SLAMF9: variants seen among roughly 807,000 people sequenced by gnomAD.
The protein encoded by SLAMF9 is CD2 family member 10.
In SLAMF9, 25 loss-of-function variants were observed where a neutral mutation model predicts 30.4. That is an observed-to-expected ratio of 0.82 (90% confidence interval 0.60 to 1.15). The LOEUF (loss-of-function observed/expected upper bound fraction) is 1.15. Ranked by LOEUF, SLAMF9 falls within the 50% of genes most tolerant of loss-of-function variation. The pLI is 0.00. For synonymous variants in SLAMF9, 129 were observed against 127.2 expected (o/e 1.01, Z -0.09); for missense variants, 344 against 346.1 (o/e 0.99, Z 0.05).
At chr1:159,975,471 G>A in the SLAMF9 span, among the ~76,000 whole-genome samples, 2 of 152,146 alleles carry the variant, frequency 1.3e-5, no homozygotes, top group Non-Finnish European at 2.9e-5. Flanking sequence ...GTGTGGCATG[G>A]CTGGAGAGGC....
chr1:159,967,320 A>T, the SLAMF9 span, among the ~76,000 whole-genome samples: 4 of 152,156 alleles, frequency 2.6e-5, no homozygotes, highest in African/African-American at 9.7e-5. Flanking sequence ...TAAGATAAAG[A>T]TCTAATTTCA....
chr1:159,983,292 G>C, the SLAMF9 span: 2 of 152,154 alleles, frequency 1.3e-5, no homozygotes, highest in Non-Finnish European at 2.9e-5. Context: ...ATCCATCTGT[G>C]CCTCTTCATC....
At chr1:159,975,283 G>A in the SLAMF9 span, among the ~76,000 whole-genome samples, 1 of 152,214 alleles carries the variant, frequency 6.6e-6, no homozygotes, top group African/African-American at 2.4e-5. Context: ...GTGTGACAGA[G>A]GGGGCACAGA....
Position 159,954,169 on chromosome 1 carries a change from C to T in SLAMF9, c.-32G>A. 1 of 1,613,338 alleles carries T rather than the reference C, an allele frequency of 6.2e-7. No individual in the cohort carries two copies. The highest frequency in any genetic ancestry group is 2.2e-5 in the East Asian group (1 of 44,844). On this transcript the variant is annotated 5_prime_UTR_variant, in exon 1 of 4. It removes the in-frame stop codon of an upstream open reading frame in the 5' UTR. Transcript: ENST00000368093. The stretch of plus-strand genomic sequence containing the variant: ...AGCCCCCAGCCCCAGAGGTGTGATT[C>T]AGTCAGTCAGTCCCCAGGACTGTGC...
chr1:159,969,272 T>G, the SLAMF9 span, among the ~76,000 whole-genome samples: 2 of 127,616 alleles, frequency 1.6e-5, no homozygotes, highest in African/African-American at 5.8e-5. Flanking sequence ...GGGGGATGGA[T>G]AAGGGGGGAA....
the SLAMF9 span, among the ~76,000 whole-genome samples, chr1:159,967,565 A>T: frequency 6.6e-6 from 1 of 152,124 alleles, no homozygotes; most frequent in Admixed American, 6.5e-5. Context: ...TTTTTGCTCA[A>T]AATTGTTTTG....
the SLAMF9 span, among the ~76,000 whole-genome samples, chr1:159,979,250 C>A: frequency 6.6e-6 from 1 of 152,122 alleles, no homozygotes; most frequent in African/African-American, 2.4e-5. Context: ...TTGGGAAAGC[C>A]CTTCTTAATC....
intron 3 of SLAMF9, 87 bp from the exon 4 acceptor site, chr1:159,951,953 G>A: frequency 8.8e-7 from 1 of 1,142,622 alleles, no homozygotes; most frequent in Non-Finnish European, 1.3e-6. Flanking sequence ...TTTCATGAAG[G>A]GGTCTCAAGT....
chr1:159,953,562 TGGTGGTATTTCCA>T lies in SLAMF9; in HGVS notation c.125_137del (p.Leu42GlnfsTer32). ...AGATGATGTTCTCAACCTCTTCATC[TGGTGGTATTTCCA>T]GGGGGAGGCTGATGGACTCCTGAAG... On this transcript the variant is annotated frameshift_variant, in exon 2 of 4. Coordinates refer to ENST00000368093, the MANE Select transcript of SLAMF9 (RefSeq NM_033438.4). LOFTEE classifies it high-confidence loss of function. 1.2e-6 allele frequency: 2 copies of T among 1,614,192 alleles called. No individual in the cohort carries two copies. The highest frequency in any genetic ancestry group is 1.7e-6 in the Non-Finnish European group (2 of 1,180,014).
chr1:159,973,049 G>A, the SLAMF9 span: 574 of 1,429,784 alleles, frequency 4.0e-4, 5 homozygotes, highest in South Asian at 8.4e-3. Context: ...GGCCACCCTC[G>A]GGGGCCGCCT....
the SLAMF9 span, among the ~76,000 whole-genome samples, chr1:159,962,837 A>T: frequency 6.6e-6 from 1 of 152,332 alleles, no homozygotes; most frequent in Middle Eastern, 3.4e-3. Context: ...TAAGCCTGTT[A>T]TCCTGCCCTA....
At chr1:159,982,007 C>G in the SLAMF9 span, among the ~76,000 whole-genome samples, 1 of 152,242 alleles carries the variant, frequency 6.6e-6, no homozygotes, top group Non-Finnish European at 1.5e-5. Flanking sequence ...CTTCATCCTT[C>G]ACAGGTGTGG....
At chr1:159,973,718 T>C in the SLAMF9 span, 10 of 1,346,714 alleles carry the variant, frequency 7.4e-6, no homozygotes, top group Non-Finnish European at 8.5e-6. Flanking sequence ...AGGGGTCCTG[T>C]CCAGAGAGCT....
upstream of SLAMF9, chr1:159,954,289 G>A (rs559105040): frequency 4.7e-5 from 32 of 683,588 alleles, 1 homozygote; most frequent in South Asian, 3.6e-4. Context: ...GCCCTCTGAC[G>A]TCCTCTGTCC....
the SLAMF9 span, among the ~76,000 whole-genome samples, chr1:159,968,119 G>A: frequency 3.9e-5 from 6 of 152,266 alleles, no homozygotes; most frequent in East Asian, 3.9e-4. Context: ...GCTCTGGCTA[G>A]GACTTCAAGA....
At chr1:159,969,406 C>A in the SLAMF9 span, among the ~76,000 whole-genome samples, 3 of 152,186 alleles carry the variant, frequency 2.0e-5, no homozygotes, top group African/African-American at 7.2e-5. Context: ...TCCATGCAAC[C>A]TTTCCTCAAT....
chr1:159,953,734 G>T, intron 1 of SLAMF9, 81 bp from the exon 2 acceptor site: 3 of 1,292,454 alleles, frequency 2.3e-6, no homozygotes, highest in Non-Finnish European at 3.2e-6. Context: ...TGCCAGAGTA[G>T]CGTAATCTCA....
the SLAMF9 span, among the ~76,000 whole-genome samples, chr1:159,975,627 G>A: frequency 6.6e-6 from 1 of 152,130 alleles, no homozygotes; most frequent in Non-Finnish European, 1.5e-5. Context: ...TCTGATGGCT[G>A]CCAAGTAAAG....
At chr1:159,957,288 C>T (rs1651942790), upstream of SLAMF9, among the ~76,000 whole-genome samples, 1 of 151,740 alleles carries the variant, frequency 6.6e-6, no homozygotes, top group Admixed American at 6.6e-5. Flanking sequence ...TCTATCATAC[C>T]ATATGGTGAC....
Sources: gnomAD v4.1 joint callset for allele counts (sites outside exome capture counted in the v4.1 genomes callset) on GRCh38, gnomAD v4.1.1 for gene constraint, MANE v1.5 for transcripts, NCBI Gene and HGNC (gene_info 2026-07-23, HGNC 2026-07-21) for gene names.